Variants in DLGAP2 observed in about 807,000 individuals in gnomAD.
DLGAP2 encodes DLG associated protein 2, also known as disks large-associated protein 2.
A neutral mutation model predicts 100.3 loss-of-function variants in DLGAP2; 26 were observed. The observed-to-expected ratio is 0.26, with a 90% CI of 0.19 to 0.36. The LOEUF (loss-of-function observed/expected upper bound fraction) is 0.36, where lower values mean the gene tolerates loss of function less well. DLGAP2 is among the 10% of genes least tolerant of loss of function. The probability of loss-of-function intolerance (pLI) is 1.00; values close to 1 mark genes in which losing one functional copy is unlikely to be tolerated. For synonymous variants in DLGAP2, 886 were observed against 630.1 expected (o/e 1.41, Z -6.08); for missense variants, 1,858 against 1,453.2 (o/e 1.28, Z -4.53).
chr8:1,179,059 T>C (rs1192887437), intron 2 of DLGAP2, among the ~76,000 whole-genome samples: 1 of 152,262 alleles, frequency 6.6e-6, no homozygotes, highest in African/African-American at 2.4e-5. Context: ...TTTAAGAGCA[T>C]GTGCACACTT....
chr8:1,116,839 A>G (rs1213453718), intron 2 of DLGAP2, among the ~76,000 whole-genome samples: 2 of 152,172 alleles, frequency 1.3e-5, no homozygotes, highest in Non-Finnish European at 2.9e-5. Context: ...TCATTACTGT[A>G]TCTGGAACAC....
At chr8:1,191,117 C>G (rs1210644112) in intron 2 of DLGAP2, among the ~76,000 whole-genome samples, 1 of 151,822 alleles carries the variant, frequency 6.6e-6, no homozygotes, top group Non-Finnish European at 1.5e-5. Flanking sequence ...GGATGTCTTG[C>G]AATACATTTT....
intron 2 of DLGAP2, among the ~76,000 whole-genome samples, chr8:1,192,592 G>T (rs562385723): frequency 7.2e-6 from 1 of 138,680 alleles, no homozygotes; most frequent in Non-Finnish European, 1.6e-5. Context: ...CCACTCCCAC[G>T]AGTCTGAGTG....
At chr8:1,258,952 G>A (rs1799286133) in intron 3 of DLGAP2, 69 bp downstream of exon 3, 1 of 1,190,308 alleles carries the variant, frequency 8.4e-7, no homozygotes. Flanking sequence ...GCTGGCAACA[G>A]TCTACCATGA....
chr8:1,261,398 A>T (rs1799346801), intron 3 of DLGAP2, among the ~76,000 whole-genome samples: 1 of 149,490 alleles, frequency 6.7e-6, no homozygotes, highest in Non-Finnish European at 1.5e-5. Context: ...ACAGACTGGG[A>T]GGGCAGGTCA....
chr8:1,570,934 TG>T (rs1279942819), intron 6 of DLGAP2, among the ~76,000 whole-genome samples: 6 of 82,430 alleles, frequency 7.3e-5, no homozygotes, highest in South Asian at 4.6e-4. Context: ...GGGTGAACTG[TG>T]GGGGTGTCTG....
At chr8:1,513,484 GC>G (rs1025879985) in intron 4 of DLGAP2, among the ~76,000 whole-genome samples, 2 of 152,232 alleles carry the variant, frequency 1.3e-5, no homozygotes, top group Non-Finnish European at 2.9e-5. Flanking sequence ...TGCAAGCACA[GC>G]CCAGCTCAGA....
At chr8:1,177,413 C>A (rs114946300) in intron 2 of DLGAP2, among the ~76,000 whole-genome samples, 1 of 152,156 alleles carries the variant, frequency 6.6e-6, no homozygotes, top group Admixed American at 6.5e-5. Flanking sequence ...CATCTGTTGT[C>A]AGGAGGCCTC....
At chr8:985,639 A>C (rs1800464825) in intron 2 of DLGAP2, among the ~76,000 whole-genome samples, 1 of 152,266 alleles carries the variant, frequency 6.6e-6, no homozygotes, top group South Asian at 2.1e-4. Context: ...AATTCTAGTA[A>C]GTACAATCTG....
intron 3 of DLGAP2, among the ~76,000 whole-genome samples, chr8:1,500,565 C>A (rs1048704363): frequency 4.6e-5 from 7 of 152,282 alleles, no homozygotes; most frequent in Admixed American, 1.3e-4. Flanking sequence ...CTGGGCAGAG[C>A]CCACTGGGAG....
At chr8:925,928 T>C (rs1357708581) in intron 2 of DLGAP2, among the ~76,000 whole-genome samples, 4 of 152,154 alleles carry the variant, frequency 2.6e-5, no homozygotes, top group Non-Finnish European at 5.9e-5. Context: ...CCCTACTGAA[T>C]GGGGTTGCGC....
chr8:1,253,058 C>T (rs1046689020), intron 2 of DLGAP2, among the ~76,000 whole-genome samples: 1 of 152,216 alleles, frequency 6.6e-6, no homozygotes, highest in African/African-American at 2.4e-5. Context: ...CACTGCACGG[C>T]CCACGGCAAA....
intron 2 of DLGAP2, among the ~76,000 whole-genome samples, chr8:1,003,801 G>A (rs561278534): frequency 6.6e-4 from 100 of 152,286 alleles, no homozygotes; most frequent in African/African-American, 2.3e-3. Flanking sequence ...ACCCCAGAAT[G>A]GTGGCTCGGC....
intron 2 of DLGAP2, among the ~76,000 whole-genome samples, chr8:1,098,479 CA>C (rs1804464293): frequency 6.6e-6 from 1 of 152,140 alleles, no homozygotes; most frequent in South Asian, 2.1e-4. Flanking sequence ...GAATGTTTTC[CA>C]AGGCACGGAG....
intron 3 of DLGAP2, among the ~76,000 whole-genome samples, chr8:1,343,766 G>C (rs922316305): frequency 6.6e-6 from 1 of 152,172 alleles, no homozygotes; most frequent in South Asian, 2.1e-4. Flanking sequence ...CTCTCCAAGA[G>C]GCGGGGGCAG....
intron 3 of DLGAP2, among the ~76,000 whole-genome samples, chr8:1,470,665 C>A (rs1046241720): frequency 3.3e-5 from 5 of 152,070 alleles, no homozygotes; most frequent in African/African-American, 1.2e-4. Context: ...TCGGCACAAT[C>A]CTACCATTTT....
intron 3 of DLGAP2, among the ~76,000 whole-genome samples, chr8:1,407,549 G>A (rs78625300): frequency 0.12 from 11,004 of 90,276 alleles, 258 homozygotes; most frequent in East Asian, 0.17. Flanking sequence ...CTTACTGAGC[G>A]CCACCTCCTC....
chr8:955,888 G>C (rs930276282), intron 2 of DLGAP2, among the ~76,000 whole-genome samples: 3 of 152,190 alleles, frequency 2.0e-5, no homozygotes, highest in Non-Finnish European at 2.9e-5. Flanking sequence ...TGGCGGCCTT[G>C]AGTGGCATGT....
At chr8:1,116,852 A>G (rs923361220) in intron 2 of DLGAP2, among the ~76,000 whole-genome samples, 1 of 152,200 alleles carries the variant, frequency 6.6e-6, no homozygotes, top group African/African-American at 2.4e-5. Context: ...TGGAACACGA[A>G]GAACTGAATA....
Sources: allele counts gnomAD v4.1 joint callset (sites outside exome capture counted in the v4.1 genomes callset), GRCh38; gene constraint gnomAD v4.1.1; transcripts MANE v1.5; gene names NCBI Gene and HGNC (gene_info 2026-07-23, HGNC 2026-07-21).